HDX: variants seen among roughly 807,000 people sequenced by gnomAD.
The protein encoded by HDX is highly divergent homeobox.
A neutral mutation model predicts 45.2 loss-of-function variants in HDX; 19 were observed. The ratio of observed to expected loss-of-function variants is 0.42; its 90% CI spans 0.29 to 0.62. HDX has a LOEUF of 0.62. HDX is among the 20% of genes least tolerant of loss of function. HDX has a pLI of 0.20. For missense variants in HDX, 532 were observed against 493.9 expected, an observed-to-expected ratio of 1.08 and a Z score of -0.73; for synonymous variants, 188 against 172.8, an observed-to-expected ratio of 1.09 and a Z score of -0.69.
intron 2 of HDX, among the ~76,000 whole-genome samples, chrX:84,478,202 G>A (rs767423878): frequency 1.8e-5 from 2 of 111,720 alleles, no homozygotes; most frequent in Non-Finnish European, 3.8e-5. Context: ...ATCATATTCA[G>A]ATATGGAATT....
chrX:84,409,906 A>G (rs183951899), intron 5 of HDX, among the ~76,000 whole-genome samples: 2,732 of 108,311 alleles, frequency 0.025, 35 homozygotes, highest in Non-Finnish European at 0.038. Context: ...AAAAAAAATT[A>G]GCCAGGTGTG....
chrX:84,418,528 G>C (rs374409815), intron 5 of HDX, among the ~76,000 whole-genome samples: 1 of 111,580 alleles, frequency 9.0e-6, no homozygotes, highest in South Asian at 3.7e-4. Flanking sequence ...CAACCCAATA[G>C]TAAGAGAACT....
chrX:84,376,216 G>T (rs957990963), intron 5 of HDX, among the ~76,000 whole-genome samples: 1 of 112,229 alleles, frequency 8.9e-6, no homozygotes, highest in Admixed American at 9.4e-5. Flanking sequence ...CTTAGGCCGC[G>T]AATAGCTAGC....
intron 10 of HDX, 102 bp downstream of exon 10, chrX:84,326,076 C>A (rs750953978): frequency 2.9e-4 from 224 of 767,830 alleles, no homozygotes; most frequent in Non-Finnish European, 3.2e-4. Flanking sequence ...CCATGCCAAG[C>A]AGAAATGAAG....
chrX:84,499,459 T>C (rs781319888), intron 1 of HDX, among the ~76,000 whole-genome samples: 1 of 111,892 alleles, frequency 8.9e-6, no homozygotes, highest in Admixed American at 9.5e-5. Flanking sequence ...TTGGTCTATG[T>C]GTAAATGTCT....
chrX:84,377,526 T>C (rs2038085504), intron 5 of HDX, among the ~76,000 whole-genome samples: 1 of 111,394 alleles, frequency 9.0e-6, no homozygotes, highest in Admixed American at 9.6e-5. Flanking sequence ...CAGAATCCTA[T>C]CAGATAAATT....
At chrX:84,392,614 T>G (rs1030195330) in intron 5 of HDX, among the ~76,000 whole-genome samples, 1 of 110,926 alleles carries the variant, frequency 9.0e-6, no homozygotes, top group Non-Finnish European at 1.9e-5. Flanking sequence ...GTAGTTTTCC[T>G]TGTAGAGCTT....
At chrX:84,485,550 A>G (rs949579602) in intron 2 of HDX, among the ~76,000 whole-genome samples, 2 of 110,771 alleles carry the variant, frequency 1.8e-5, no homozygotes, top group African/African-American at 6.6e-5. Flanking sequence ...GGCATGCATC[A>G]CCATGCCTGG....
At chrX:84,475,605 T>G (rs1239719694) in intron 2 of HDX, among the ~76,000 whole-genome samples, 3 of 111,925 alleles carry the variant, frequency 2.7e-5, no homozygotes, top group African/African-American at 9.7e-5. Context: ...CTTATTGAAT[T>G]TGTTCAGATA....
chrX:84,367,914 G>A (rs940349378), intron 5 of HDX, among the ~76,000 whole-genome samples: 1 of 111,582 alleles, frequency 9.0e-6, no homozygotes, highest in African/African-American at 3.3e-5. Flanking sequence ...ACGGGTTGAT[G>A]GGTGCAGCAA....
chrX:84,434,571 T>C (rs1236614581), intron 5 of HDX, among the ~76,000 whole-genome samples: 1 of 111,509 alleles, frequency 9.0e-6, no homozygotes, highest in Non-Finnish European at 1.9e-5. Context: ...TTAATTTTGC[T>C]AGTTTTTTAT....
At chrX:84,420,560 G>C (rs1213267026) in intron 5 of HDX, among the ~76,000 whole-genome samples, 3 of 111,943 alleles carry the variant, frequency 2.7e-5, no homozygotes, top group Non-Finnish European at 5.6e-5. Context: ...AAAGAGATAG[G>C]AGTGCAAATT....
intron 6 of HDX, among the ~76,000 whole-genome samples, chrX:84,358,787 C>G (rs1395083482): frequency 8.9e-6 from 1 of 111,843 alleles, no homozygotes; most frequent in Non-Finnish European, 1.9e-5. Context: ...CACTTGAACT[C>G]TTGGGCTCAA....
rs750997785 is a variant in HDX, at chrX:84,365,881, T to C, written c.1306-4269A>G. 4.5e-5 allele frequency among the ~76,000 whole-genome samples: 5 copies of C among 111,728 alleles called. No individual in the cohort carries two copies. In the East Asian group the frequency reaches 1.4e-3, roughly 31 times the overall value. Reference sequence around the variant, plus strand: ...GACAAACTCACAGTCAATATCATAGTGAATGGGCAAAAGCTGGAAGCATTC... The same window carrying C: ...GACAAACTCACAGTCAATATCATAGCGAATGGGCAAAAGCTGGAAGCATTC... On this transcript the variant is annotated intron_variant, in intron 5 of 10. Coordinates refer to ENST00000373177, the MANE Select transcript of HDX (RefSeq NM_001177479.2).
At chrX:84,413,193 A>C (rs917186872) in intron 5 of HDX, among the ~76,000 whole-genome samples, 1 of 112,051 alleles carries the variant, frequency 8.9e-6, no homozygotes, top group African/African-American at 3.2e-5. Flanking sequence ...CTGGAGAACT[A>C]TTGAGGCATT....
intron 5 of HDX, among the ~76,000 whole-genome samples, chrX:84,391,638 C>A (rs903414358): frequency 9.0e-6 from 1 of 111,363 alleles, no homozygotes; most frequent in Admixed American, 9.6e-5. Context: ...TGGATAAAAG[C>A]CATTTCAACT....
chrX:84,435,006 G>C (rs1007415212), intron 5 of HDX, among the ~76,000 whole-genome samples: 2 of 110,246 alleles, frequency 1.8e-5, no homozygotes, highest in African/African-American at 3.3e-5. Context: ...TTGGTATCCA[G>C]TATGACATCT....
intron 5 of HDX, among the ~76,000 whole-genome samples, chrX:84,411,268 A>T (rs897084147): frequency 9.0e-6 from 1 of 110,731 alleles, no homozygotes; most frequent in Non-Finnish European, 1.9e-5. Context: ...TTAATTTGAG[A>T]TCTTTCTAAC....
chrX:84,342,634 T>C (rs754016048), intron 7 of HDX, among the ~76,000 whole-genome samples: 1 of 110,502 alleles, frequency 9.0e-6, no homozygotes, highest in East Asian at 2.9e-4. Context: ...GTAGGGACAA[T>C]TAGTTAACCA....
Sources: gnomAD v4.1 joint callset for allele counts (sites outside exome capture counted in the v4.1 genomes callset) on GRCh38, gnomAD v4.1.1 for gene constraint, MANE v1.5 for transcripts, NCBI Gene and HGNC (gene_info 2026-07-23, HGNC 2026-07-21) for gene names.